PRH1: variants seen among roughly 807,000 people sequenced by gnomAD.
PRH1 encodes the protein salivary acidic proline-rich phosphoprotein 1/2.
A neutral mutation model predicts 7.9 loss-of-function variants in PRH1; 7 were observed. The ratio of observed to expected loss-of-function variants is 0.89; its 90% CI spans 0.50 to 1.67. The LOEUF (loss-of-function observed/expected upper bound fraction) is 1.67, where lower values mean the gene tolerates loss of function less well. Ranked by LOEUF, PRH1 falls within the 40% of genes most tolerant of loss-of-function variation. The pLI is 0.00. For missense variants in PRH1, 109 were observed against 223.6 expected (o/e 0.49, Z 3.27); for synonymous variants, 45 against 80.8 (o/e 0.56, Z 2.38).
intron 2 of PRH1, among the ~76,000 whole-genome samples, chr12:10,939,926 A>C (rs1950369691): frequency 6.6e-6 from 1 of 152,194 alleles, no homozygotes; most frequent in Non-Finnish European, 1.5e-5. Flanking sequence ...AGTTTCATTT[A>C]ATTATTCCAC....
At chr12:11,019,343 T>C in intron 1 of PRH1, among the ~76,000 whole-genome samples, 1 of 152,228 alleles carries the variant, frequency 6.6e-6, no homozygotes, top group African/African-American at 2.4e-5. Context: ...CGACACATGG[T>C]TTTACATCTT....
At chr12:10,935,070 T>C (rs967770475) in intron 2 of PRH1, among the ~76,000 whole-genome samples, 8 of 152,146 alleles carry the variant, frequency 5.3e-5, no homozygotes, top group African/African-American at 1.9e-4. Flanking sequence ...ATTCAAAGCA[T>C]TGAAATTTAC....
At chr12:10,998,340 G>A (rs1028047103) in intron 1 of PRH1, among the ~76,000 whole-genome samples, 1 of 152,056 alleles carries the variant, frequency 6.6e-6, no homozygotes, top group African/African-American at 2.4e-5. Context: ...TGTTAAAAGA[G>A]CCTGGTGAAA....
chr12:11,053,524 A>G (rs1171538809), intron 1 of PRH1, among the ~76,000 whole-genome samples: 1 of 152,260 alleles, frequency 6.6e-6, no homozygotes, highest in Non-Finnish European at 1.5e-5. Context: ...ACTACACTTA[A>G]CTTTCTAAAT....
intron 1 of PRH1, among the ~76,000 whole-genome samples, chr12:11,150,535 T>C (rs181962206): frequency 0.01 from 1,588 of 152,090 alleles, 17 homozygotes; most frequent in Non-Finnish European, 0.013. Context: ...ATGGATGAAA[T>C]TGGAAATCAT....
intron 1 of PRH1, among the ~76,000 whole-genome samples, chr12:10,998,256 C>T (rs1940401859): frequency 2.0e-5 from 3 of 152,092 alleles, no homozygotes; most frequent in Admixed American, 6.6e-5. Flanking sequence ...TTCACCTTTC[C>T]ATAATTTGTG....
intron 1 of PRH1, among the ~76,000 whole-genome samples, chr12:10,976,764 A>G (rs1404838033): frequency 6.6e-6 from 1 of 152,156 alleles, no homozygotes; most frequent in African/African-American, 2.4e-5. Context: ...AATGCAAACA[A>G]CCTTCACAAA....
intron 1 of PRH1, chr12:10,986,354 C>T (rs2135981951): frequency 6.2e-7 from 1 of 1,613,904 alleles, no homozygotes; most frequent in East Asian, 2.2e-5. Context: ...GTACTGTATT[C>T]CTCAATTTCA....
intron 2 of PRH1, among the ~76,000 whole-genome samples, chr12:10,900,496 C>T (rs1949707978): frequency 6.6e-6 from 1 of 151,938 alleles, no homozygotes; most frequent in Admixed American, 6.6e-5. Context: ...GGGTGGGGAC[C>T]TCCATGGCCA....
chr12:10,989,144 C>A (rs1172347280), intron 1 of PRH1, among the ~76,000 whole-genome samples: 1 of 151,898 alleles, frequency 6.6e-6, no homozygotes, highest in African/African-American at 2.4e-5. Flanking sequence ...AGGTATGCAA[C>A]CCTAAACTCT....
At chr12:11,068,018 G>T (rs1943900186) in intron 1 of PRH1, among the ~76,000 whole-genome samples, 1 of 140,530 alleles carries the variant, frequency 7.1e-6, no homozygotes. Context: ...TTATGTTTCT[G>T]CTTTTTTAAC....
intron 1 of PRH1, among the ~76,000 whole-genome samples, chr12:10,998,102 A>T (rs774879023): frequency 6.6e-6 from 1 of 152,200 alleles, no homozygotes; most frequent in Admixed American, 6.6e-5. Context: ...AAAACAACTC[A>T]AATTAATTCT....
At chr12:11,036,498 T>A (rs954700525) in intron 1 of PRH1, among the ~76,000 whole-genome samples, 1 of 152,220 alleles carries the variant, frequency 6.6e-6, no homozygotes, top group African/African-American at 2.4e-5. Context: ...AATCCGCTCT[T>A]TAGAAATAAA....
At chr12:11,129,473 G>C (rs1946258630) in intron 1 of PRH1, among the ~76,000 whole-genome samples, 1 of 152,280 alleles carries the variant, frequency 6.6e-6, no homozygotes, top group Non-Finnish European at 1.5e-5. Context: ...CTAAGGAATG[G>C]AACTGGTCAC....
At position 11,092,382 on chromosome 12, in the gene PRH1, G is replaced by A. The variant is rs1398183490; in HGVS notation, n.124-45194C>T. 1.8e-5 allele frequency: 6 copies of A among 337,882 alleles called. 2 individuals are homozygous for A. Among genetic ancestry groups the A allele is most frequent in the South Asian group, 6.3e-5 (2 of 31,620 alleles). The allele number at this position is 337,882 out of a possible 1,614,324, so 20.9% of individuals were successfully genotyped here. A position where few individuals can be genotyped will look rare whatever the true frequency, so the allele number is the denominator to read the frequency against. On this transcript the variant is annotated intron_variant and non_coding_transcript_variant, in intron 1 of 4. Coordinates refer to the PRH1 transcript ENST00000541977. Reference sequence around the variant, plus strand: ...CTTAAAGATGGTGTGGACCCAAAGAGTGAGCAACAGCAAGGTTTATTGAGA... The same window carrying A: ...CTTAAAGATGGTGTGGACCCAAAGAATGAGCAACAGCAAGGTTTATTGAGA...
At position 10,972,928 on chromosome 12, in the gene PRH1, A is replaced by ACCCCCCCCCCCCCCCCCCCCC. The variant is rs199859766; in HGVS notation, c.-59+726_-59+727insGGGGGGGGGGGGGGGGGGGGG. 2.5e-4 allele frequency among the ~76,000 whole-genome samples: 25 copies of ACCCCCCCCCCCCCCCCCCCCC among 100,392 alleles called. 1 individual carries two copies. The highest frequency in any genetic ancestry group is 5.6e-4 in the East Asian group (2 of 3,572). The allele number at this position is 100,392 out of a possible 152,430, so 65.9% of individuals were successfully genotyped here. On this transcript the variant is annotated intron_variant, in intron 2 of 3. Transcript: ENST00000539853. ...CAATTAACACGTACAAAGCACCACA[A>ACCCCCCCCCCCCCCCCCCCCC]CCCACCCCCCCCGCCCGCCCACACA... is the stretch of plus-strand genomic sequence containing the variant.
At chr12:11,041,999 A>C (rs985811874) in intron 1 of PRH1, among the ~76,000 whole-genome samples, 3 of 150,388 alleles carry the variant, frequency 2.0e-5, no homozygotes, top group African/African-American at 7.3e-5. Context: ...GGAAATTTAC[A>C]GCTATAAAAG....
intron 2 of PRH1, among the ~76,000 whole-genome samples, chr12:10,970,574 T>TC (rs1938761760): frequency 6.6e-6 from 1 of 151,286 alleles, no homozygotes; most frequent in Non-Finnish European, 1.5e-5. Flanking sequence ...TTTTTTTTTT[T>TC]CGTTTTTGAG....
rs375161129 is a variant in PRH1 at position 10,966,385 on chromosome 12, G to A, written c.-59+7270C>T. On this transcript the variant is annotated intron_variant, in intron 2 of 3. Coordinates refer to the PRH1 transcript ENST00000539853. ...GCTTGCTTTGATTAACAGAAAATTG[G>A]TAGACTTCACACAGAGGTTTGAGAT... Among the ~76,000 whole-genome samples, 8 of 152,154 alleles carry A rather than the reference G, an allele frequency of 5.3e-5. No individual in the cohort carries two copies. In the East Asian group the frequency reaches 1.5e-3, roughly 29 times the overall value.
Sources: allele counts gnomAD v4.1 joint callset (sites outside exome capture counted in the v4.1 genomes callset), GRCh38; gene constraint gnomAD v4.1.1; transcripts MANE v1.5; gene names NCBI Gene and HGNC (gene_info 2026-07-23, HGNC 2026-07-21).